The following SUGP2 variants were observed in gnomAD, a reference collection of about 807,000 sequenced individuals.
SUGP2 encodes SURP and G-patch domain-containing protein 2.
In SUGP2, 24 loss-of-function variants were observed where a neutral mutation model predicts 90.5. That is an observed-to-expected ratio of 0.27 (90% CI 0.19 to 0.37). The LOEUF is 0.37. Among genes scored for constraint, SUGP2 ranks in the 10% least tolerant of loss-of-function variants. SUGP2 has a pLI of 1.00. For synonymous variants in SUGP2, 473 were observed against 513.4 expected, an observed-to-expected ratio of 0.92 and a Z score of 1.06; for missense variants, 1,233 against 1,363.3, an observed-to-expected ratio of 0.90 and a Z score of 1.51.
At chr19:19,020,639 C>T (rs2058689035) in intron 3 of SUGP2, among the ~76,000 whole-genome samples, 2 of 151,508 alleles carry the variant, frequency 1.3e-5, no homozygotes, top group Admixed American at 1.3e-4. Context: ...GGCTTCACCA[C>T]ATTGCTCAGG....
intron 2 of SUGP2, among the ~76,000 whole-genome samples, chr19:19,028,945 C>T (rs2059037061): frequency 6.6e-6 from 1 of 152,168 alleles, no homozygotes; most frequent in Admixed American, 6.6e-5. Context: ...CCTTGGCCTC[C>T]CAAAGTGCTG....
intron 6 of SUGP2, chr19:19,007,216 G>C (rs2058109939): frequency 6.6e-6 from 1 of 152,262 alleles, no homozygotes; most frequent in African/African-American, 2.4e-5. Flanking sequence ...CCTATCCAAG[G>C]AATGGAGAGG....
intron 4 of SUGP2, among the ~76,000 whole-genome samples, chr19:19,017,147 T>G (rs1283041371): frequency 6.6e-6 from 1 of 152,204 alleles, no homozygotes; most frequent in Non-Finnish European, 1.5e-5. Context: ...ATAGCACCCC[T>G]GCATTGCAGC....
chr19:19,009,567 G>A (rs1251075968), intron 5 of SUGP2, among the ~76,000 whole-genome samples: 2 of 152,090 alleles, frequency 1.3e-5, no homozygotes, highest in South Asian at 2.1e-4. Flanking sequence ...GCAATGCACC[G>A]CCCACGGCCC....
intron 2 of SUGP2, 120 bp downstream of exon 2, chr19:19,030,831 T>C (rs555173435): frequency 1.7e-6 from 2 of 1,198,144 alleles, no homozygotes; most frequent in East Asian, 2.4e-5. Flanking sequence ...TCCTCCTAAA[T>C]AAGGAAACTA....
Position 19,004,394 on chromosome 19 carries a change from A to T in SUGP2, c.2703T>A (p.Asp901Glu), listed in dbSNP as rs776729820. 6.2e-7 allele frequency: 1 copy of T among 1,613,740 alleles called. No individual in the cohort carries two copies. The highest frequency in any genetic ancestry group is 1.1e-5 in the South Asian group (1 of 91,064). ...MPEEEDEDDE[D>E]GGEEAPAPGG... Reference sequence around the variant, plus strand: ...CAGGAGCGGGGGCCTCCTCTCCCCCATCCTCATCGTCCTCGTCCTCCTCCT... The same window carrying T: ...CAGGAGCGGGGGCCTCCTCTCCCCCTTCCTCATCGTCCTCGTCCTCCTCCT... Residue 901 changes from aspartate (D) to glutamate (E), a missense_variant, in exon 7 of 11, where the codon GAT becomes GAA. Coordinates refer to ENST00000452918, the MANE Select transcript of SUGP2 (RefSeq NM_001017392.5).
chr19:19,028,425 C>T (rs1031320690), intron 2 of SUGP2, among the ~76,000 whole-genome samples: 4 of 152,120 alleles, frequency 2.6e-5, no homozygotes, highest in Admixed American at 1.3e-4. Flanking sequence ...TGAGCACAGA[C>T]GTGGATGTTC....
Position 19,025,211 on chromosome 19 carries a change from A to T in SUGP2, c.1137T>A (p.Asp379Glu). ...AAAATTTGATAGTAAAAAAGCAAAA[A>T]TCTCTGTGCTCTGGTTTTAAGGAAC... is the stretch of plus-strand genomic sequence containing the variant. The part of the protein sequence containing the change: ...FKCSLKPEHR[D>E]FCFFTIKFLK... The change falls in exon 3 of 11, where the codon GAT becomes GAA. Residue 379 changes from aspartate to glutamate, a missense_variant. Around this residue, in one of 8 missense-constraint regions of SUGP2, gnomAD observed 55 missense variants for 82.0 expected, o/e 0.67. Transcript: ENST00000452918. 1 of 1,612,696 alleles carries T rather than the reference A, an allele frequency of 6.2e-7. No individual in the cohort carries two copies. Among genetic ancestry groups the T allele is most frequent in the African/African-American group, 1.3e-5 (1 of 75,014 alleles).
At position 18,993,658 on chromosome 19, in the gene SUGP2, G is replaced by A. The variant is rs1177512321; in HGVS notation, c.*83C>T. 1 of 152,652 alleles carries A rather than the reference G, an allele frequency of 6.6e-6. No individual in the cohort carries two copies. The highest frequency in any genetic ancestry group is 2.4e-5 in the African/African-American group (1 of 41,452). The allele number at this position is 152,652 out of a possible 1,614,324, so 9.5% of individuals were successfully genotyped here. A position where few individuals can be genotyped will look rare whatever the true frequency, so the allele number is the denominator to read the frequency against. ...CACACCAAACCGTACTTGGGCACTG[G>A]CTCCAGGCCGATCCAGGGCAGGGAT... On this transcript the variant is annotated 3_prime_UTR_variant, in exon 11 of 11. Coordinates refer to ENST00000452918, the MANE Select transcript of SUGP2 (RefSeq NM_001017392.5).
intron 10 of SUGP2, 110 bp downstream of exon 10, chr19:18,994,256 T>C (rs1360523577): frequency 2.3e-5 from 33 of 1,420,308 alleles, no homozygotes; most frequent in Non-Finnish European, 2.9e-5. Flanking sequence ...TTTTTTTGTG[T>C]GTGGCATTTT....
At chr19:19,013,221 G>A (rs1165718658) in intron 4 of SUGP2, among the ~76,000 whole-genome samples, 1 of 152,206 alleles carries the variant, frequency 6.6e-6, no homozygotes, top group Non-Finnish European at 1.5e-5. Flanking sequence ...AAGCTATGTA[G>A]TGCAGGCACC....
At position 19,031,052 on chromosome 19, in the gene SUGP2, G is replaced by A. The variant is rs1166681522; in HGVS notation, c.20C>T (p.Thr7Ile). The A allele has an allele frequency of 6.2e-7, 1 of 1,613,032 alleles. No individual in the cohort carries two copies. Among genetic ancestry groups the A allele is most frequent in the Non-Finnish European group, 8.5e-7 (1 of 1,179,808 alleles). The change falls in exon 2 of 11, where the codon ACA (threonine) becomes ATA (isoleucine). Residue 7 changes from threonine to isoleucine, a missense_variant. Transcript: ENST00000452918. The stretch of plus-strand genomic sequence containing the variant: ...TAATACAGCATCAAAAGTCTCCTGT[G>A]TAATTCGTCTGGCTGCCATGTTATT... MAARRI[T>I]QETFDAVLQE...
intron 8 of SUGP2, among the ~76,000 whole-genome samples, chr19:18,999,888 T>A (rs952228410): frequency 6.6e-6 from 1 of 152,166 alleles, no homozygotes; most frequent in African/African-American, 2.4e-5. Flanking sequence ...TCTGTCCCTC[T>A]TCTGCCCAAG....
At chr19:18,999,823 C>T (rs1230172955) in intron 8 of SUGP2, among the ~76,000 whole-genome samples, 2 of 152,208 alleles carry the variant, frequency 1.3e-5, no homozygotes, top group African/African-American at 4.8e-5. Flanking sequence ...CCCAGGCCAT[C>T]TGGAGTGTAC....
Position 19,024,958 on chromosome 19 carries a change from C to G in SUGP2, c.1390G>C (p.Asp464His), listed in dbSNP as rs759346528. The G allele has an allele frequency of 2.5e-6, 4 of 1,613,996 alleles. No homozygotes were observed. Among genetic ancestry groups the G allele is most frequent in the Non-Finnish European group, 3.4e-6 (4 of 1,180,020 alleles). ...VKMKTLSNPL[D>H]LALALETTNS... is the part of the protein sequence containing the mutation. ...GTGGTTTCTAGGGCAAGAGCCAAGT[C>G]CAGGGGGTTACTGAGGGTCTTCATC... Residue 464 changes from aspartate to histidine, a missense_variant, in exon 3 of 11, where the codon GAC (aspartate) becomes CAC (histidine). By Grantham distance (81) the Asp-to-His change is moderately conservative (BLOSUM62 -1). This residue lies in a region of SUGP2 where 59 missense variants were observed against 92.6 expected (regional missense o/e 0.64). Coordinates refer to ENST00000452918, the MANE Select transcript of SUGP2 (RefSeq NM_001017392.5).
In SUGP2 at chr19:19,004,161, C is replaced by CT. The variant is rs1568394162; in HGVS notation, c.2929+6_2929+7insA. 6.5e-7 allele frequency: 1 copy of CT among 1,540,982 alleles called. No homozygotes were observed. Among genetic ancestry groups the CT allele is most frequent in the South Asian group, 1.3e-5 (1 of 79,832 alleles). ...AGAGGCAACTGTGCCGACAGGCGGG[C>CT]ACTCACCTTTTGGCTCCTGGATGAG... On this transcript the variant is annotated splice_region_variant and intron_variant, in intron 7 of 10. Coordinates refer to ENST00000452918, the MANE Select transcript of SUGP2 (RefSeq NM_001017392.5).
At chr19:18,997,782 CAAAAAAAAAAAA>C (rs35875282) in intron 8 of SUGP2, among the ~76,000 whole-genome samples, 3 of 88,280 alleles carry the variant, frequency 3.4e-5, no homozygotes, top group African/African-American at 1.3e-4. Flanking sequence ...GACTCCGTCT[CAAAAAAAAAAAA>C]AAAAAAAAAG....
At chr19:18,993,801 TAAAAA>T (rs1044652182) in intron 10 of SUGP2, 61 bp from the exon 11 acceptor site, 2 of 138,454 alleles carry the variant, frequency 1.4e-5, no homozygotes, top group African/African-American at 5.3e-5. Flanking sequence ...AGGGGGCAAC[TAAAAA>T]AAAAAAAGAA....
intron 3 of SUGP2, among the ~76,000 whole-genome samples, chr19:19,020,535 C>A (rs1200152162): frequency 1.3e-5 from 2 of 151,206 alleles, no homozygotes; most frequent in African/African-American, 4.8e-5. Context: ...CCTCGAACTC[C>A]TAGGCTCAAG....
Sources: allele counts gnomAD v4.1 joint callset (sites outside exome capture counted in the v4.1 genomes callset), GRCh38; gene constraint gnomAD v4.1.1; regional missense constraint gnomAD v4.1.1; transcripts MANE v1.5; gene names NCBI Gene and HGNC (gene_info 2026-07-23, HGNC 2026-07-21).